The following DNAH7 variants were observed in gnomAD, a reference collection of about 807,000 sequenced individuals.
DNAH7 encodes dynein axonemal heavy chain 7.
In DNAH7, 397 loss-of-function variants were observed where a neutral mutation model predicts 444.6. That is an observed-to-expected ratio of 0.89 (90% confidence interval 0.82 to 0.97). The LOEUF (loss-of-function observed/expected upper bound fraction) is 0.97, where lower values mean the gene tolerates loss of function less well. Ranked by LOEUF, DNAH7 falls within the 50% of genes least tolerant of loss-of-function variation. DNAH7 has a pLI of 0.00. For missense variants in DNAH7, 4,902 were observed against 4,800.8 expected (o/e 1.02, Z -0.62); for synonymous variants, 1,636 against 1,624.4 (o/e 1.01, Z -0.17).
intron 61 of DNAH7, 56 bp from the exon 62 acceptor site, chr2:195,756,341 G>A (rs1694073214): frequency 7.2e-7 from 1 of 1,396,094 alleles, no homozygotes; most frequent in South Asian, 1.7e-5. Context: ...TAGATTATAA[G>A]CAACCACCTT....
At chr2:196,014,529 G>A (rs1694902879) in intron 9 of DNAH7, among the ~76,000 whole-genome samples, 1 of 151,970 alleles carries the variant, frequency 6.6e-6, no homozygotes, top group Non-Finnish European at 1.5e-5. Context: ...CCTCACAACT[G>A]TCACTTAATG....
At chr2:195,743,351 C>T (rs533897443) in intron 63 of DNAH7, among the ~76,000 whole-genome samples, 2 of 152,210 alleles carry the variant, frequency 1.3e-5, no homozygotes, top group Admixed American at 6.5e-5. Context: ...AATAAACTCC[C>T]TCTCATATAT....
At chr2:195,780,616 G>A (rs1162430146) in intron 58 of DNAH7, among the ~76,000 whole-genome samples, 2 of 151,900 alleles carry the variant, frequency 1.3e-5, no homozygotes, top group Non-Finnish European at 2.9e-5. Flanking sequence ...GGATGTGGTG[G>A]AGCAAGCACC....
chr2:195,989,794 G>A (rs758178481), intron 12 of DNAH7, among the ~76,000 whole-genome samples: 2 of 152,040 alleles, frequency 1.3e-5, no homozygotes, highest in East Asian at 1.9e-4. Flanking sequence ...AGTCTCTCCT[G>A]CTCCTGCTCC....
rs923342655 is a variant in DNAH7 at position 195,956,468 on chromosome 2, T to C, written c.3078+793A>G. Among the ~76,000 whole-genome samples the C allele has an allele frequency of 7.9e-5, 12 of 152,202 alleles. 1 individual carries two copies. In the South Asian group the frequency reaches 8.3e-4, roughly 11 times the overall value. ...GAGATCGAGACCAGCCTGGCCAACATGGTGAAACCCCATGTCTACTAAAAA... is the reference window on the plus strand; with the variant it reads ...GAGATCGAGACCAGCCTGGCCAACACGGTGAAACCCCATGTCTACTAAAAA... On this transcript the variant is annotated intron_variant, in intron 19 of 64. Coordinates refer to ENST00000312428, the MANE Select transcript of DNAH7 (RefSeq NM_018897.3).
chr2:196,000,438 A>C (rs1693964695), intron 12 of DNAH7, among the ~76,000 whole-genome samples: 1 of 152,180 alleles, frequency 6.6e-6, no homozygotes, highest in Non-Finnish European at 1.5e-5. Context: ...TACAGTAAAC[A>C]CTCATTGGCT....
At chr2:195,801,176 A>G (rs75459776) in intron 54 of DNAH7, among the ~76,000 whole-genome samples, 1,583 of 152,248 alleles carry the variant, frequency 0.01, 33 homozygotes, top group East Asian at 0.069. Flanking sequence ...TCTCTTCTTT[A>G]TAAGTGACGA....
intron 36 of DNAH7, among the ~76,000 whole-genome samples, chr2:195,879,747 T>C (rs1223641042): frequency 1.3e-5 from 2 of 152,126 alleles, no homozygotes; most frequent in Non-Finnish European, 2.9e-5. Context: ...ATAAAAGCTG[T>C]GTATTTATGT....
rs775574754 is a variant in DNAH7 at position 195,771,801 on chromosome 2, G to C, written c.11292C>G (p.Phe3764Leu). The C allele has an allele frequency of 2.5e-6, 4 of 1,613,980 alleles. No individual in the cohort carries two copies. Among genetic ancestry groups the C allele is most frequent in the Non-Finnish European group, 3.4e-6 (4 of 1,180,032 alleles). ...ACCTCCTCATGGCAGCCTCGATGTCGAAGTTGTTTGGAAGTTTGCCCAAGA... is the reference window on the plus strand; with the variant it reads ...ACCTCCTCATGGCAGCCTCGATGTCCAAGTTGTTTGGAAGTTTGCCCAAGA... The part of the protein sequence containing the change: ...SDILGKLPNN[F>L]DIEAAMRRYP... The change falls in exon 61 of 65, where the codon TTC becomes TTG. Residue 3764 changes from phenylalanine (F) to leucine (L), a missense_variant. By Grantham distance (22) the Phe-to-Leu change is conservative (BLOSUM62 0). Coordinates refer to ENST00000312428, the MANE Select transcript of DNAH7 (RefSeq NM_018897.3).
chr2:195,894,200 T>C (rs1247660639), intron 30 of DNAH7: 1 of 152,108 alleles, frequency 6.6e-6, no homozygotes, highest in East Asian at 1.9e-4. Flanking sequence ...CTATTTATTC[T>C]CTATAGAAAG....
At chr2:195,869,771 T>G (rs1204913403) in intron 40 of DNAH7, among the ~76,000 whole-genome samples, 1 of 152,062 alleles carries the variant, frequency 6.6e-6, no homozygotes, top group African/African-American at 2.4e-5. Context: ...GAGGAACACA[T>G]CCCAGATCCC....
At chr2:195,971,572 T>G (rs1416561627) in intron 16 of DNAH7, among the ~76,000 whole-genome samples, 1 of 152,000 alleles carries the variant, frequency 6.6e-6, no homozygotes, top group Non-Finnish European at 1.5e-5. Context: ...GTGTGCTAGA[T>G]GAACAAGCAC....
In DNAH7 at chr2:195,873,915, T is replaced by G. The variant is rs978123119; in HGVS notation, c.6287-221A>C. 2.6e-5 allele frequency among the ~76,000 whole-genome samples: 4 copies of G among 152,198 alleles called. No individual in the cohort carries two copies. The South Asian group carries it at 8.3e-4, about 32-fold the overall frequency. ...GAATTATCTGAATGAGTTAAACTAA[T>G]TAGACATAATCTTGAGTCAAAACTA... is the stretch of plus-strand genomic sequence containing the variant. On this transcript the variant is annotated intron_variant, in intron 38 of 64. Coordinates refer to ENST00000312428, the MANE Select transcript of DNAH7 (RefSeq NM_018897.3).
Position 195,886,260 on chromosome 2 carries a change from T to TTCC in DNAH7, c.5418_5419insGGA (p.Pro1806_Thr1807insGly). ...GACCGGACCAAGTTTGTATCGGAAG[T>TTCC]AGGAGATAATTCCTGAAAAGTCAGT... On this transcript the variant is annotated inframe_insertion, in exon 34 of 65. Transcript: ENST00000312428. 1 of 1,611,650 alleles carries TTCC rather than the reference T, an allele frequency of 6.2e-7. No individual in the cohort carries two copies. Among genetic ancestry groups the TTCC allele is most frequent in the Non-Finnish European group, 8.5e-7 (1 of 1,179,214 alleles).
rs200876490 is a variant in DNAH7, at chr2:195,957,329, G to A, written c.3010C>T (p.Pro1004Ser). 1.0e-5 allele frequency: 16 copies of A among 1,606,742 alleles called. No homozygotes were observed. Among genetic ancestry groups the A allele is most frequent in the Non-Finnish European group, 1.3e-5 (15 of 1,175,120 alleles). ...FSSPDIMSQM[P>S]EEGRRFTAVD... ...GCTGTAAATCGTCTGCCTTCCTCAGGCATTTGAGACATAATGTCTGGAGAG... is the reference window on the plus strand; with the variant it reads ...GCTGTAAATCGTCTGCCTTCCTCAGACATTTGAGACATAATGTCTGGAGAG... The change falls in exon 19 of 65, where the codon CCT becomes TCT. Residue 1004 changes from proline (P) to serine (S), a missense_variant. Physicochemically the swap from Pro to Ser is moderately conservative, Grantham distance 74. Coordinates refer to ENST00000312428, the MANE Select transcript of DNAH7 (RefSeq NM_018897.3).
intron 46 of DNAH7, among the ~76,000 whole-genome samples, chr2:195,847,236 G>A (rs1321970832): frequency 4.7e-5 from 7 of 150,086 alleles, no homozygotes; most frequent in Non-Finnish European, 1.0e-4. Flanking sequence ...TATGTTCATC[G>A]CAGCACTATT....
At chr2:195,947,166 A>G (rs1462145945) in intron 19 of DNAH7, among the ~76,000 whole-genome samples, 1 of 148,648 alleles carries the variant, frequency 6.7e-6, no homozygotes, top group African/African-American at 2.5e-5. Flanking sequence ...TTTTATATAT[A>G]TAGTATTTTT....
At chr2:195,944,413 G>T (rs913761735) in intron 19 of DNAH7, among the ~76,000 whole-genome samples, 2 of 152,002 alleles carry the variant, frequency 1.3e-5, no homozygotes, top group African/African-American at 4.8e-5. Flanking sequence ...TCTGGTAAGT[G>T]CACCCATATC....
intron 12 of DNAH7, among the ~76,000 whole-genome samples, chr2:195,991,975 C>G (rs1054540506): frequency 6.6e-6 from 1 of 152,182 alleles, no homozygotes; most frequent in Non-Finnish European, 1.5e-5. Context: ...TTAAGATTTA[C>G]TAGGATTCCT....
Sources: allele counts gnomAD v4.1 joint callset (sites outside exome capture counted in the v4.1 genomes callset), GRCh38; gene constraint gnomAD v4.1.1; transcripts MANE v1.5; gene names NCBI Gene and HGNC (gene_info 2026-07-23, HGNC 2026-07-21).